The following PKN2 variants were observed in gnomAD, a reference collection of about 807,000 sequenced individuals.
The protein encoded by PKN2 is protein kinase N2, also known as serine/threonine-protein kinase N2.
In PKN2, 38 loss-of-function variants were observed where a neutral mutation model predicts 119.1. The ratio of observed to expected loss-of-function variants is 0.32; its 90% confidence interval spans 0.25 to 0.42. The LOEUF (loss-of-function observed/expected upper bound fraction) is 0.42. PKN2 is among the 10% of genes least tolerant of loss of function. The pLI is 1.00. For synonymous variants in PKN2, 390 were observed against 384.9 expected (o/e 1.01, Z -0.15); for missense variants, 850 against 1,165.1 (o/e 0.73, Z 3.94).
intron 6 of PKN2, among the ~76,000 whole-genome samples, chr1:88,777,646 C>A (rs11806518): frequency 0.072 from 10,925 of 152,122 alleles, 841 homozygotes; most frequent in African/African-American, 0.19. Flanking sequence ...ATATATTGTA[C>A]ACCAAAATAA....
intron 2 of PKN2, among the ~76,000 whole-genome samples, chr1:88,745,960 C>T (rs1213470867): frequency 6.6e-6 from 1 of 152,018 alleles, no homozygotes. Flanking sequence ...ACAAAGCTGC[C>T]AAGAACACAC....
chr1:88,716,583 A>G (rs1427335775), intron 1 of PKN2, among the ~76,000 whole-genome samples: 5 of 152,038 alleles, frequency 3.3e-5, no homozygotes, highest in Non-Finnish European at 7.4e-5. Context: ...TTGTTGGTTT[A>G]AAGTCTGTTT....
At chr1:88,807,073 C>T (rs1048616303) in intron 12 of PKN2, among the ~76,000 whole-genome samples, 4 of 151,826 alleles carry the variant, frequency 2.6e-5, no homozygotes, top group South Asian at 2.1e-4. Flanking sequence ...TCCAGCTACT[C>T]GGGAGGCTGA....
chr1:88,737,465 G>A (rs1348194707), intron 1 of PKN2, among the ~76,000 whole-genome samples: 1 of 151,810 alleles, frequency 6.6e-6, no homozygotes, highest in Admixed American at 6.6e-5. Context: ...GTAGATGGAG[G>A]CACTCTCCAA....
At chr1:88,694,162 C>G (rs1321601647) in intron 1 of PKN2, among the ~76,000 whole-genome samples, 1 of 152,144 alleles carries the variant, frequency 6.6e-6, no homozygotes, top group Non-Finnish European at 1.5e-5. Context: ...GTGCACACAT[C>G]TTGGTGTTGT....
chr1:88,684,958 CAG>C (rs1666020849), intron 1 of PKN2: 1 of 284,748 alleles, frequency 3.5e-6, no homozygotes, highest in South Asian at 1.0e-4. Flanking sequence ...CCCTCGGTGT[CAG>C]AGCTACCCGC....
At chr1:88,744,702 T>A (rs1362526334) in intron 2 of PKN2, among the ~76,000 whole-genome samples, 1 of 152,198 alleles carries the variant, frequency 6.6e-6, no homozygotes, top group East Asian at 1.9e-4. Context: ...ATTACAGGCA[T>A]GAGCCATCCT....
chr1:88,802,383 T>G (rs1369918346), intron 8 of PKN2, among the ~76,000 whole-genome samples: 1 of 152,096 alleles, frequency 6.6e-6, no homozygotes, highest in African/African-American at 2.4e-5. Context: ...TGGAGTGTAG[T>G]GGCATGATCT....
chr1:88,734,591 T>C (rs1340199126), intron 1 of PKN2, among the ~76,000 whole-genome samples: 3 of 152,222 alleles, frequency 2.0e-5, no homozygotes, highest in Non-Finnish European at 4.4e-5. Flanking sequence ...TTTTGATTAC[T>C]ATAGCTATGT....
chr1:88,730,090 G>A (rs550454455), intron 1 of PKN2, among the ~76,000 whole-genome samples: 275 of 152,110 alleles, frequency 1.8e-3, no homozygotes, highest in Middle Eastern at 6.8e-3. Flanking sequence ...ACGTAAACCC[G>A]GGAGGCGGAG....
At chr1:88,827,143 T>C (rs1012476271) in intron 18 of PKN2, among the ~76,000 whole-genome samples, 3 of 152,090 alleles carry the variant, frequency 2.0e-5, no homozygotes, top group African/African-American at 4.8e-5. Flanking sequence ...ATGACACTTA[T>C]GACAAGTTTT....
rs78964782 is a variant in PKN2, at chr1:88,821,342, A to G, written c.2280-599A>G. 4.5e-3 allele frequency among the ~76,000 whole-genome samples: 684 copies of G among 152,244 alleles called. 2 individuals carry two copies. Among genetic ancestry groups the G allele is most frequent in the African/African-American group, 0.015 (643 of 41,538 alleles). On this transcript the variant is annotated intron_variant, in intron 16 of 21. Coordinates refer to ENST00000370521, the MANE Select transcript of PKN2 (RefSeq NM_006256.4). ...CCTCTGGATCTCTACCTACTTCTCC[A>G]TCCTTCGCATTGCTACCAGAAAACT...
intron 18 of PKN2, among the ~76,000 whole-genome samples, chr1:88,825,350 A>G (rs1160449982): frequency 2.0e-5 from 3 of 152,144 alleles, no homozygotes; most frequent in Admixed American, 6.5e-5. Context: ...TCCCAAATCT[A>G]TTATTTCCTT....
chr1:88,691,051 TTTTA>T (rs1310756972), intron 1 of PKN2, among the ~76,000 whole-genome samples: 2 of 152,078 alleles, frequency 1.3e-5, no homozygotes, highest in African/African-American at 4.8e-5. Context: ...GCTGAGAGTT[TTTTA>T]TTTATTTTAT....
intron 1 of PKN2, among the ~76,000 whole-genome samples, chr1:88,685,720 A>T (rs1666066103): frequency 6.6e-6 from 1 of 152,192 alleles, no homozygotes; most frequent in Admixed American, 6.5e-5. Flanking sequence ...GGAGAAAAAA[A>T]TAGCATGCCT....
intron 15 of PKN2, among the ~76,000 whole-genome samples, chr1:88,813,210 C>T (rs1039703951): frequency 3.9e-5 from 6 of 152,206 alleles, no homozygotes; most frequent in Middle Eastern, 3.4e-3. Context: ...TTTCAAAGTA[C>T]GCTTTAAATT....
chr1:88,814,179 C>T (rs938751289), intron 16 of PKN2, among the ~76,000 whole-genome samples: 5 of 152,198 alleles, frequency 3.3e-5, no homozygotes, highest in East Asian at 3.9e-4. Flanking sequence ...CAACTATTTG[C>T]GTCCTTGTGC....
At chr1:88,764,317 G>A (rs1275098078) in intron 3 of PKN2, among the ~76,000 whole-genome samples, 1 of 151,998 alleles carries the variant, frequency 6.6e-6, no homozygotes, top group Non-Finnish European at 1.5e-5. Context: ...CATCTACTTG[G>A]ATGCTACCAC....
chr1:88,711,998 AACTT>A (rs149214472), intron 1 of PKN2, among the ~76,000 whole-genome samples: 2,754 of 152,214 alleles, frequency 0.018, 43 homozygotes, highest in Non-Finnish European at 0.019. Context: ...AATTATTTTT[AACTT>A]ACTTTTTTCC....
Sources: gnomAD v4.1 joint callset for allele counts (sites outside exome capture counted in the v4.1 genomes callset) on GRCh38, gnomAD v4.1.1 for gene constraint, MANE v1.5 for transcripts, NCBI Gene and HGNC (gene_info 2026-07-23, HGNC 2026-07-21) for gene names.